The following LINGO2 variants were observed in gnomAD, a reference collection of about 807,000 sequenced individuals.
LINGO2 encodes the protein leucine rich repeat and Ig domain containing 2.
In LINGO2, 14 loss-of-function variants were observed where a neutral mutation model predicts 30.6. The observed-to-expected ratio is 0.46, with a 90% CI of 0.30 to 0.72. LINGO2 has a LOEUF of 0.72. Among genes scored for constraint, LINGO2 ranks in the 30% least tolerant of loss-of-function variants. The pLI is 0.07. For missense variants in LINGO2, 729 were observed against 751.7 expected (o/e 0.97, Z 0.35); for synonymous variants, 317 against 288.5 (o/e 1.10, Z -1.00).
chr9:27,949,735 C>T (rs371555423), exon 6 of LINGO2: 18 of 1,614,006 alleles, frequency 1.1e-5, no homozygotes, highest in East Asian at 8.9e-5. Flanking sequence ...GAGTGAGGCT[C>T]AATGGTGCGA....
At chr9:28,771,301 A>C in the LINGO2 span, among the ~76,000 whole-genome samples, 1 of 151,898 alleles carries the variant, frequency 6.6e-6, no homozygotes, top group African/African-American at 2.4e-5. Flanking sequence ...ACTTCAATTG[A>C]AAGAAATGCT....
At chr9:29,103,070 T>C in the LINGO2 span, among the ~76,000 whole-genome samples, 22 of 152,226 alleles carry the variant, frequency 1.4e-4, 1 homozygote, top group African/African-American at 4.6e-4. Context: ...CAGAAATGAA[T>C]TTCTATATAG....
chr9:28,085,146 T>A lies in LINGO2; in HGVS notation c.-86-72741A>T, dbSNP rs944727063. On this transcript the variant is annotated intron_variant, in intron 4 of 5. Coordinates refer to ENST00000379992, the Ensembl canonical transcript of LINGO2. ...AGAGTCTAGCTGATCCTGAAGTTCATGGTAATGAACTTTATACTGTATTTT... is the reference window on the plus strand; with the variant it reads ...AGAGTCTAGCTGATCCTGAAGTTCAAGGTAATGAACTTTATACTGTATTTT... Among the ~76,000 whole-genome samples, 7 of 152,246 alleles carry A rather than the reference T, an allele frequency of 4.6e-5. No individual in the cohort carries two copies. The East Asian group carries it at 1.4e-3, about 29-fold the overall frequency.
intron 4 of LINGO2, among the ~76,000 whole-genome samples, chr9:28,127,144 C>G (rs1181007720): frequency 6.6e-6 from 1 of 152,178 alleles, no homozygotes; most frequent in African/African-American, 2.4e-5. Flanking sequence ...TCTTCCTTCT[C>G]TGTACTTGCC....
intron 4 of LINGO2, among the ~76,000 whole-genome samples, chr9:28,067,218 G>T (rs1341806622): frequency 6.6e-6 from 1 of 151,918 alleles, no homozygotes; most frequent in African/African-American, 2.4e-5. Context: ...AACAATATGG[G>T]TATCCTGTGA....
the LINGO2 span, among the ~76,000 whole-genome samples, chr9:28,887,372 G>T: frequency 2.6e-5 from 4 of 151,884 alleles, no homozygotes; most frequent in Non-Finnish European, 4.4e-5. Flanking sequence ...AAAACTGTTG[G>T]CATTAGGATG....
At chr9:29,004,084 A>T in the LINGO2 span, among the ~76,000 whole-genome samples, 1 of 152,014 alleles carries the variant, frequency 6.6e-6, no homozygotes, top group Non-Finnish European at 1.5e-5. Flanking sequence ...GTACTGCCTA[A>T]GGTACAGATT....
At chr9:28,101,567 C>G (rs768866805) in intron 4 of LINGO2, among the ~76,000 whole-genome samples, 1 of 152,120 alleles carries the variant, frequency 6.6e-6, no homozygotes, top group African/African-American at 2.4e-5. Flanking sequence ...TTCATCATTC[C>G]TAAATTCCTG....
intron 1 of LINGO2, among the ~76,000 whole-genome samples, chr9:28,502,366 C>G (rs1819927621): frequency 6.6e-6 from 1 of 151,978 alleles, no homozygotes; most frequent in South Asian, 2.1e-4. Flanking sequence ...CCCAAATAAT[C>G]TCATTCATTT....
At chr9:28,508,162 C>T (rs1434805826) in intron 1 of LINGO2, among the ~76,000 whole-genome samples, 1 of 152,150 alleles carries the variant, frequency 6.6e-6, no homozygotes, top group South Asian at 2.1e-4. Context: ...ATTATCAATA[C>T]ACATATTTCC....
At chr9:28,590,267 AC>A (rs1179719276) in intron 1 of LINGO2, among the ~76,000 whole-genome samples, 1 of 152,108 alleles carries the variant, frequency 6.6e-6, no homozygotes, top group Non-Finnish European at 1.5e-5. Context: ...TGTCTAAAAC[AC>A]CAAAAGCAAT....
chr9:28,081,125 C>G (rs76280715), intron 4 of LINGO2: 2 of 152,068 alleles, frequency 1.3e-5, no homozygotes, highest in Non-Finnish European at 2.9e-5. Context: ...CTTTCTTGTG[C>G]GGGCTGTTCT....
the LINGO2 span, among the ~76,000 whole-genome samples, chr9:29,046,256 T>C: frequency 1.3e-5 from 2 of 152,270 alleles, no homozygotes; most frequent in East Asian, 3.9e-4. Flanking sequence ...CAGTATAATG[T>C]TGGTTGTGGA....
At chr9:28,328,097 T>C (rs563036281) in intron 3 of LINGO2, among the ~76,000 whole-genome samples, 1 of 152,200 alleles carries the variant, frequency 6.6e-6, no homozygotes, top group East Asian at 1.9e-4. Context: ...CAGTGGAGAA[T>C]ATTAAAGAAC....
intron 4 of LINGO2, among the ~76,000 whole-genome samples, chr9:28,224,209 T>C (rs556920291): frequency 5.9e-5 from 9 of 152,018 alleles, no homozygotes; most frequent in Non-Finnish European, 1.2e-4. Flanking sequence ...GGACTACAGG[T>C]GCCCGCCACC....
the LINGO2 span, among the ~76,000 whole-genome samples, chr9:28,705,891 G>GTA: frequency 6.6e-6 from 1 of 151,984 alleles, no homozygotes; most frequent in South Asian, 2.1e-4. Context: ...AGTTTGCTCT[G>GTA]TAACCTCACT....
chr9:28,926,345 T>C, the LINGO2 span, among the ~76,000 whole-genome samples: 1 of 151,912 alleles, frequency 6.6e-6, no homozygotes, highest in Non-Finnish European at 1.5e-5. Flanking sequence ...AAAGAAACCA[T>C]TCGCTTCATA....
At chr9:28,631,015 T>C (rs1332976625) in intron 1 of LINGO2, among the ~76,000 whole-genome samples, 2 of 151,928 alleles carry the variant, frequency 1.3e-5, no homozygotes, top group Non-Finnish European at 2.9e-5. Flanking sequence ...GGCAAGATTA[T>C]AAGGAACCAT....
the LINGO2 span, among the ~76,000 whole-genome samples, chr9:28,859,130 G>C: frequency 6.6e-6 from 1 of 152,030 alleles, no homozygotes; most frequent in Non-Finnish European, 1.5e-5. Flanking sequence ...TTTTCTGAAG[G>C]AGAGTAATTT....
Sources: allele counts gnomAD v4.1 joint callset (sites outside exome capture counted in the v4.1 genomes callset), GRCh38; gene constraint gnomAD v4.1.1; transcripts MANE v1.5; gene names NCBI Gene and HGNC (gene_info 2026-07-23, HGNC 2026-07-21).